PAK3: variants seen among roughly 807,000 people sequenced by gnomAD.
PAK3 encodes serine/threonine-protein kinase PAK 3.
In PAK3, 4 loss-of-function variants were observed where a neutral mutation model predicts 41.0. That is an observed-to-expected ratio of 0.10 (90% CI 0.05 to 0.22). The LOEUF is 0.22. Ranked by LOEUF, PAK3 falls within the 10% of genes least tolerant of loss-of-function variation. The pLI is 1.00. For missense variants in PAK3, 205 were observed against 409.9 expected (o/e 0.50, Z 4.32); for synonymous variants, 146 against 139.6 (o/e 1.05, Z -0.32).
At chrX:110,986,879 GA>G (rs2091554498) in intron 1 of PAK3, among the ~76,000 whole-genome samples, 1 of 111,045 alleles carries the variant, frequency 9.0e-6, no homozygotes, top group Non-Finnish European at 1.9e-5. Context: ...GGAAAGGGGT[GA>G]AAAATGTTAG....
At chrX:111,125,902 T>C (rs1313673478) in intron 5 of PAK3, among the ~76,000 whole-genome samples, 1 of 111,856 alleles carries the variant, frequency 8.9e-6, no homozygotes, top group Non-Finnish European at 1.9e-5. Context: ...AAAGATTGAA[T>C]GATTAAATTG....
chrX:110,968,986 A>C (rs1254620749), intron 1 of PAK3, among the ~76,000 whole-genome samples: 1 of 106,736 alleles, frequency 9.4e-6, no homozygotes, highest in East Asian at 3.0e-4. Context: ...TCTATGATCT[A>C]TGTTGAGTTA....
chrX:111,024,118 C>A (rs182050395), intron 1 of PAK3, among the ~76,000 whole-genome samples: 1,952 of 111,876 alleles, frequency 0.017, 18 homozygotes, highest in Non-Finnish European at 0.026. Flanking sequence ...ATATGGCTAG[C>A]CAGTTTTCCC....
rs774528935 is a variant in PAK3 at position 111,178,990 on chromosome X, G to T, written c.830+5909G>T. Among the ~76,000 whole-genome samples, 202 of 92,787 alleles carry T rather than the reference G, an allele frequency of 2.2e-3. 1 individual carries two copies. Among genetic ancestry groups the T allele is most frequent in the East Asian group, 7.0e-3 (20 of 2,855 alleles). The allele number at this position is 92,787 out of a possible 115,157, so 80.6% of individuals were successfully genotyped here. ...ATATATATATATATATAGAGAGAGA[G>T]ATATCTGTATATCTATATATCTATA... On this transcript the variant is annotated intron_variant, in intron 11 of 17. Coordinates refer to ENST00000372007, the MANE Select transcript of PAK3 (RefSeq NM_002578.5).
intron 10 of PAK3, among the ~76,000 whole-genome samples, chrX:111,169,047 C>T (rs927934316): frequency 9.0e-6 from 1 of 111,498 alleles, no homozygotes; most frequent in Non-Finnish European, 1.9e-5. Context: ...ATTCTCCAAC[C>T]CTTGCCTTAA....
At chrX:111,161,538 G>A (rs1222502676) in intron 8 of PAK3, among the ~76,000 whole-genome samples, 1 of 110,752 alleles carries the variant, frequency 9.0e-6, no homozygotes, top group Admixed American at 9.6e-5. Flanking sequence ...TGAAGTCCTT[G>A]CCCATGCCTA....
intron 10 of PAK3, among the ~76,000 whole-genome samples, chrX:111,168,436 G>T (rs1437878612): frequency 9.0e-6 from 1 of 111,556 alleles, no homozygotes; most frequent in African/African-American, 3.3e-5. Context: ...TAATGGAAAA[G>T]ATCACTTTAA....
intron 12 of PAK3, 54 bp downstream of exon 12, chrX:111,192,229 G>A: frequency 1.3e-6 from 1 of 789,029 alleles, no homozygotes; most frequent in East Asian, 3.2e-5. Flanking sequence ...ATATTTAACA[G>A]TTATCTTCTT....
intron 1 of PAK3, among the ~76,000 whole-genome samples, chrX:111,090,461 G>A (rs370224201): frequency 8.1e-4 from 91 of 111,691 alleles, no homozygotes; most frequent in African/African-American, 2.9e-3. Flanking sequence ...TTGTCTGAGA[G>A]GATCTCCACC....
Position 111,060,752 on chromosome X carries a change from G to A in PAK3, c.-27-62325G>A, listed in dbSNP as rs1383358943. ...AAGACATCAGGTTGCCTTGTAGACC[G>A]TCTTGCATTCTGGATTTGTCTGATT... On this transcript the variant is annotated intron_variant, in intron 1 of 14. Transcript: ENST00000425146. Among the ~76,000 whole-genome samples the A allele has an allele frequency of 4.5e-5, 5 of 111,377 alleles. No individual in the cohort carries two copies. The East Asian group carries it at 1.4e-3, about 31-fold the overall frequency.
intron 9 of PAK3, 49 bp downstream of exon 9, chrX:111,163,095 A>T (rs1222623349): frequency 1.8e-6 from 2 of 1,112,066 alleles, no homozygotes; most frequent in African/African-American, 1.8e-5. Context: ...TGCCCTTTGG[A>T]ATAGTCATAG....
At chrX:111,204,758 AATT>A (rs1219715958) in intron 16 of PAK3, among the ~76,000 whole-genome samples, 4 of 110,754 alleles carry the variant, frequency 3.6e-5, no homozygotes, top group Admixed American at 2.9e-4. Context: ...GCAGTGTAAG[AATT>A]GTAGCTGGGA....
rs772347812 is a variant in PAK3, at chrX:111,162,926, A to G, written c.480A>G (p.Thr160=). 3 of 1,204,543 alleles carry G rather than the reference A, an allele frequency of 2.5e-6. No homozygotes were observed. In the African/African-American group the frequency reaches 5.3e-5, roughly 21 times the overall value. ...GTTTTTGTCACAAGAGTACAAAAAC[A>G]GCATCTGAGCCTCCATTGGCCCCTC... ...YIAAHPSSTK[T]ASEPPLAPPV... is the part of the protein sequence containing the mutation. Residue 160 remains threonine, a synonymous_variant, in exon 9 of 18, where the codon ACA becomes ACG. Transcript: ENST00000372007.
intron 5 of PAK3, among the ~76,000 whole-genome samples, chrX:111,138,722 G>A (rs2093827526): frequency 9.0e-6 from 1 of 111,184 alleles, no homozygotes; most frequent in African/African-American, 3.3e-5. Flanking sequence ...GGGGCACATG[G>A]CAAGAATAGA....
intron 16 of PAK3, among the ~76,000 whole-genome samples, chrX:111,208,773 G>A: frequency 8.9e-6 from 1 of 111,806 alleles, no homozygotes; most frequent in Non-Finnish European, 1.9e-5. Context: ...GTATTTACAT[G>A]GCATTTACAT....
At chrX:111,219,888 A>G (rs960379450) in intron 17 of PAK3, among the ~76,000 whole-genome samples, 1 of 110,849 alleles carries the variant, frequency 9.0e-6, no homozygotes, top group African/African-American at 3.3e-5. Flanking sequence ...CAAAAAAAAT[A>G]AATTAAAAAA....
chrX:111,130,436 C>A (rs1366128840), intron 5 of PAK3, among the ~76,000 whole-genome samples: 1 of 111,687 alleles, frequency 9.0e-6, no homozygotes, highest in African/African-American at 3.3e-5. Flanking sequence ...AGAAACTGGG[C>A]TTAATATTCC....
intron 11 of PAK3, among the ~76,000 whole-genome samples, chrX:111,178,702 A>T (rs2094432146): frequency 1.8e-5 from 2 of 110,147 alleles, no homozygotes; most frequent in Non-Finnish European, 3.8e-5. Context: ...GGAGGGACAA[A>T]TTATTTACAG....
Position 111,054,246 on chromosome X carries a change from C to T in PAK3, c.-27-68831C>T, listed in dbSNP as rs776261194. The stretch of plus-strand genomic sequence containing the variant: ...CTGCAGCTTATACGGCTGTTTTGCT[C>T]ACAGAAAGGCAACCATCTCCAGAGG... On this transcript the variant is annotated intron_variant, in intron 1 of 14. Transcript: ENST00000425146. 1.2e-4 allele frequency among the ~76,000 whole-genome samples: 13 copies of T among 112,360 alleles called. No homozygotes were observed. The East Asian group carries it at 3.7e-3, about 32-fold the overall frequency.
Sources: gnomAD v4.1 joint callset for allele counts (sites outside exome capture counted in the v4.1 genomes callset) on GRCh38, gnomAD v4.1.1 for gene constraint, MANE v1.5 for transcripts, NCBI Gene and HGNC (gene_info 2026-07-23, HGNC 2026-07-21) for gene names.